Variants in ADGRV1 observed in about 807,000 individuals in gnomAD.
ADGRV1 encodes the protein G-protein coupled receptor 98.
In ADGRV1, 359 loss-of-function variants were observed where a neutral mutation model predicts 596.2. That is an observed-to-expected ratio of 0.60 (90% CI 0.55 to 0.66). The LOEUF (loss-of-function observed/expected upper bound fraction) is 0.66, where lower values mean the gene tolerates loss of function less well. Ranked by LOEUF, ADGRV1 falls within the 30% of genes least tolerant of loss-of-function variation. The probability of loss-of-function intolerance (pLI) is 0.00; values close to 1 mark genes in which losing one functional copy is unlikely to be tolerated. For missense variants in ADGRV1, 7,274 were observed against 7,575.6 expected, an observed-to-expected ratio of 0.96 and a Z score of 1.48; for synonymous variants, 2,681 against 2,679.2, an observed-to-expected ratio of 1.00 and a Z score of -0.02.
rs190125624 is a variant in ADGRV1, at chr5:90,754,963, G to C, written c.11378-20G>C. 6.4e-7 allele frequency: 1 copy of C among 1,558,324 alleles called. No individual in the cohort carries two copies. Among genetic ancestry groups the C allele is most frequent in the South Asian group, 1.1e-5 (1 of 89,592 alleles). On this transcript the variant is annotated intron_variant, in intron 54 of 89. Transcript: ENST00000405460. ...AGCAAATAGAAAAGACTATTTACTC[G>C]TGGCATGTTTCTCTCACAGAAAACA...
At chr5:90,589,089 A>C (rs1056789226) in intron 1 of ADGRV1, among the ~76,000 whole-genome samples, 1 of 152,190 alleles carries the variant, frequency 6.6e-6, no homozygotes, top group Admixed American at 6.5e-5. Flanking sequence ...GATTAGCCTA[A>C]ATTTTTTGAT....
chr5:90,644,505 C>T (rs1346090423), intron 14 of ADGRV1, among the ~76,000 whole-genome samples: 1 of 152,100 alleles, frequency 6.6e-6, no homozygotes, highest in Admixed American at 6.6e-5. Context: ...AGTCCATTTA[C>T]TTTATTTATT....
chr5:91,011,769 C>T (rs752765712), intron 85 of ADGRV1, among the ~76,000 whole-genome samples: 18 of 151,766 alleles, frequency 1.2e-4, no homozygotes, highest in Middle Eastern at 6.8e-3. Flanking sequence ...AAAAAAAAAG[C>T]AATGCTAACA....
At chr5:90,949,949 T>A (rs1376482166) in intron 83 of ADGRV1, among the ~76,000 whole-genome samples, 1 of 152,202 alleles carries the variant, frequency 6.6e-6, no homozygotes, top group African/African-American at 2.4e-5. Flanking sequence ...GTTTTGTTAA[T>A]CATTTCCAGA....
At chr5:90,606,892 C>T (rs1341135452) in intron 1 of ADGRV1, among the ~76,000 whole-genome samples, 1 of 152,096 alleles carries the variant, frequency 6.6e-6, no homozygotes, top group African/African-American at 2.4e-5. Flanking sequence ...GGTTTATTCC[C>T]TTGTTTAGAT....
intron 84 of ADGRV1, among the ~76,000 whole-genome samples, chr5:90,971,853 A>T (rs1371882689): frequency 6.6e-6 from 1 of 152,254 alleles, no homozygotes; most frequent in Non-Finnish European, 1.5e-5. Flanking sequence ...ACATAACAAT[A>T]TTAACCTTAA....
intron 70 of ADGRV1, among the ~76,000 whole-genome samples, chr5:90,798,855 G>A (rs753889031): frequency 3.9e-5 from 6 of 152,130 alleles, no homozygotes; most frequent in Non-Finnish European, 8.8e-5. Context: ...ATGCAGAAAA[G>A]GCCTTTGACA....
chr5:90,607,188 A>G (rs1045395973), intron 1 of ADGRV1, among the ~76,000 whole-genome samples: 1 of 152,216 alleles, frequency 6.6e-6, no homozygotes, highest in African/African-American at 2.4e-5. Flanking sequence ...TGATTCTCTT[A>G]GCAGATCCAA....
At chr5:90,586,236 A>G (rs1161847500) in intron 1 of ADGRV1, among the ~76,000 whole-genome samples, 1 of 152,226 alleles carries the variant, frequency 6.6e-6, no homozygotes, top group East Asian at 1.9e-4. Context: ...TGTCTACATA[A>G]TATAGAGTGC....
intron 10 of ADGRV1, among the ~76,000 whole-genome samples, 179 bp downstream of exon 10, chr5:90,635,469 G>A (rs185085783): frequency 3.2e-4 from 49 of 152,188 alleles, no homozygotes; most frequent in African/African-American, 1.1e-3. Context: ...TTCCATCATC[G>A]TTTACAGTAT....
chr5:90,686,645 T>C (rs945572331), intron 29 of ADGRV1, among the ~76,000 whole-genome samples: 1 of 152,206 alleles, frequency 6.6e-6, no homozygotes, highest in African/African-American at 2.4e-5. Flanking sequence ...TCCAAGCCTT[T>C]GCTATTGTGA....
chr5:91,029,798 A>G (rs930227891), intron 85 of ADGRV1, among the ~76,000 whole-genome samples: 1 of 152,082 alleles, frequency 6.6e-6, no homozygotes, highest in Non-Finnish European at 1.5e-5. Flanking sequence ...CCATATATCA[A>G]ATGAAGTATT....
At chr5:91,119,581 T>C (rs1459764033) in intron 87 of ADGRV1, among the ~76,000 whole-genome samples, 1 of 152,206 alleles carries the variant, frequency 6.6e-6, no homozygotes, top group African/African-American at 2.4e-5. Flanking sequence ...AAAGATGAAA[T>C]CTAAATGTAA....
At chr5:90,945,789 G>C (rs1581595790) in intron 83 of ADGRV1, among the ~76,000 whole-genome samples, 3 of 152,152 alleles carry the variant, frequency 2.0e-5, no homozygotes, top group Middle Eastern at 6.8e-3. Context: ...AGATTGAGAA[G>C]AGCATGGCGA....
At chr5:90,647,405 C>A in intron 16 of ADGRV1, 93 bp from the exon 17 acceptor site, 1 of 1,322,982 alleles carries the variant, frequency 7.6e-7, no homozygotes, top group South Asian at 1.5e-5. Flanking sequence ...TACAAGGCTT[C>A]TCTCTTGGAG....
At chr5:91,105,983 T>TAAA (rs1791836422) in intron 87 of ADGRV1, among the ~76,000 whole-genome samples, 1 of 151,158 alleles carries the variant, frequency 6.6e-6, no homozygotes, top group African/African-American at 2.4e-5. Context: ...AATCTTTTAT[T>TAAA]TATATTTAAT....
chr5:90,561,250 G>A (rs533088746), intron 1 of ADGRV1, among the ~76,000 whole-genome samples: 1 of 152,152 alleles, frequency 6.6e-6, no homozygotes, highest in Non-Finnish European at 1.5e-5. Context: ...AAATTCTTAG[G>A]CTGTGAATGT....
chr5:90,637,847 T>C lies in ADGRV1; in HGVS notation c.2139T>C (p.Ser713=), dbSNP rs780241950. The change falls in exon 11 of 90, where the codon TCT becomes TCC. Residue 713 remains serine (S), a synonymous_variant. Coordinates refer to ENST00000405460, the MANE Select transcript of ADGRV1 (RefSeq NM_032119.4). ...ATGATATAGGCCCCTTTAATGGCTC[T>C]GTTTTGTTTTTATCTGGGCAAAGTG... is the stretch of plus-strand genomic sequence containing the variant. ...TPDDIGPFNG[S]VLFLSGQSDT... 1.9e-6 allele frequency: 3 copies of C among 1,613,746 alleles called. No homozygotes were observed. The highest frequency in any genetic ancestry group is 2.5e-6 in the Non-Finnish European group (3 of 1,179,784).
chr5:90,686,026 A>G (rs1324730250), intron 29 of ADGRV1, 31 bp downstream of exon 29: 1 of 1,399,874 alleles, frequency 7.1e-7, no homozygotes, highest in South Asian at 1.4e-5. Context: ...AGCAGTACAT[A>G]CAGAGGGATG....
Sources: gnomAD v4.1 joint callset for allele counts (sites outside exome capture counted in the v4.1 genomes callset) on GRCh38, gnomAD v4.1.1 for gene constraint, MANE v1.5 for transcripts, NCBI Gene and HGNC (gene_info 2026-07-23, HGNC 2026-07-21) for gene names.